CADM2: variants seen among roughly 807,000 people sequenced by gnomAD.
CADM2 encodes immunoglobulin superfamily member 4D.
A neutral mutation model predicts 49.8 loss-of-function variants in CADM2; 12 were observed. The ratio of observed to expected loss-of-function variants is 0.24; its 90% CI spans 0.15 to 0.39. The LOEUF (loss-of-function observed/expected upper bound fraction) is 0.39. Among genes scored for constraint, CADM2 ranks in the 10% least tolerant of loss-of-function variants. The probability of loss-of-function intolerance (pLI) is 1.00; values close to 1 mark genes in which losing one functional copy is unlikely to be tolerated. For synonymous variants in CADM2, 214 were observed against 175.4 expected, an observed-to-expected ratio of 1.22 and a Z score of -1.74; for missense variants, 378 against 492.3, an observed-to-expected ratio of 0.77 and a Z score of 2.20.
At chr3:85,360,891 A>G (rs1342904700) in intron 1 of CADM2, among the ~76,000 whole-genome samples, 2 of 152,148 alleles carry the variant, frequency 1.3e-5, no homozygotes, top group African/African-American at 2.4e-5. Context: ...TTCTGCAGCT[A>G]CAGGGAACCA....
intron 3 of CADM2, among the ~76,000 whole-genome samples, chr3:85,811,840 C>T (rs1239541907): frequency 2.0e-5 from 3 of 149,196 alleles, no homozygotes; most frequent in Non-Finnish European, 4.4e-5. Context: ...GACCAGTTTC[C>T]TGGAAAATGC....
intron 1 of CADM2, among the ~76,000 whole-genome samples, chr3:85,086,070 G>GCT: frequency 6.6e-6 from 1 of 152,078 alleles, no homozygotes; most frequent in African/African-American, 2.4e-5. Context: ...ACTTAAGAAG[G>GCT]CTCTGCTGTC....
At chr3:85,711,232 A>C (rs2107737432) in intron 1 of CADM2, among the ~76,000 whole-genome samples, 1 of 152,240 alleles carries the variant, frequency 6.6e-6, no homozygotes, top group African/African-American at 2.4e-5. Context: ...GTTATGAGAT[A>C]TGTTTTCAGG....
chr3:85,168,804 A>T (rs1394567154), intron 1 of CADM2, among the ~76,000 whole-genome samples: 1 of 152,068 alleles, frequency 6.6e-6, no homozygotes, highest in Non-Finnish European at 1.5e-5. Context: ...ATTTTATTGC[A>T]TTTCTTAGTG....
intron 1 of CADM2, among the ~76,000 whole-genome samples, chr3:85,461,131 T>G (rs2038227027): frequency 6.6e-6 from 1 of 152,158 alleles, no homozygotes; most frequent in South Asian, 2.1e-4. Context: ...ATTCATTTTT[T>G]ATTTTAATCA....
chr3:84,961,370 T>C (rs939807452), intron 1 of CADM2, among the ~76,000 whole-genome samples: 2 of 152,192 alleles, frequency 1.3e-5, no homozygotes, highest in African/African-American at 2.4e-5. Context: ...TTGGTGGTAC[T>C]TTTGTGTATT....
chr3:85,258,970 T>C (rs1054875337), intron 1 of CADM2, among the ~76,000 whole-genome samples: 2 of 151,980 alleles, frequency 1.3e-5, no homozygotes, highest in African/African-American at 4.8e-5. Flanking sequence ...ATTGATAGAG[T>C]GAAGATGTTG....
intron 1 of CADM2, among the ~76,000 whole-genome samples, chr3:85,303,877 C>T (rs1351974475): frequency 6.6e-6 from 1 of 151,852 alleles, no homozygotes; most frequent in Admixed American, 6.6e-5. Context: ...AACTAGGTAG[C>T]AATTAAAATC....
intron 3 of CADM2, among the ~76,000 whole-genome samples, chr3:85,821,951 A>G (rs1197757954): frequency 1.3e-5 from 2 of 152,160 alleles, no homozygotes; most frequent in African/African-American, 4.8e-5. Flanking sequence ...TTATGCTTAT[A>G]ATTTTTTGTT....
intron 8 of CADM2, among the ~76,000 whole-genome samples, chr3:86,051,913 C>T (rs922034579): frequency 2.6e-5 from 4 of 152,038 alleles, no homozygotes; most frequent in Admixed American, 2.6e-4. Context: ...CTGGGAATTA[C>T]AATTTGACAT....
intron 6 of CADM2, among the ~76,000 whole-genome samples, chr3:85,935,347 T>G (rs749583202): frequency 2.6e-5 from 4 of 152,070 alleles, no homozygotes; most frequent in Non-Finnish European, 4.4e-5. Flanking sequence ...GGGTTCCTTA[T>G]TGTGAGTCCC....
chr3:85,424,997 G>A (rs945867568), intron 1 of CADM2, among the ~76,000 whole-genome samples: 5 of 152,030 alleles, frequency 3.3e-5, no homozygotes, highest in African/African-American at 2.4e-5. Context: ...GGATAGCATT[G>A]CCAAAAGTGC....
At chr3:85,492,156 T>C (rs981775930) in intron 1 of CADM2, among the ~76,000 whole-genome samples, 1 of 152,212 alleles carries the variant, frequency 6.6e-6, no homozygotes, top group Non-Finnish European at 1.5e-5. Context: ...TGCTCCAACA[T>C]ACTATTTTAA....
intron 1 of CADM2, among the ~76,000 whole-genome samples, chr3:85,419,180 G>A (rs1449872173): frequency 6.6e-6 from 1 of 152,214 alleles, no homozygotes; most frequent in African/African-American, 2.4e-5. Context: ...TGAGGGCCGG[G>A]AGTGGTGGCT....
At chr3:86,013,464 A>G in intron 8 of CADM2, 1 of 1,596,396 alleles carries the variant, frequency 6.3e-7, no homozygotes, top group Non-Finnish European at 8.6e-7. Flanking sequence ...GGAGTGCCAG[A>G]TAAATTCTGG....
chr3:85,097,029 A>G (rs2107535118), intron 1 of CADM2, among the ~76,000 whole-genome samples: 1 of 152,220 alleles, frequency 6.6e-6, no homozygotes, highest in African/African-American at 2.4e-5. Flanking sequence ...TTTAAGTTTT[A>G]GGATACATGT....
At chr3:85,039,836 A>T (rs1164843210) in intron 1 of CADM2, among the ~76,000 whole-genome samples, 2 of 152,190 alleles carry the variant, frequency 1.3e-5, no homozygotes, top group Non-Finnish European at 2.9e-5. Flanking sequence ...TACTCCTCTT[A>T]ACTGCGTAGC....
intron 1 of CADM2, among the ~76,000 whole-genome samples, chr3:85,599,935 C>A (rs1036373916): frequency 1.3e-5 from 2 of 151,434 alleles, no homozygotes; most frequent in Non-Finnish European, 2.9e-5. Flanking sequence ...AGCCTTAAAA[C>A]ATTTTAGGAC....
intron 1 of CADM2, among the ~76,000 whole-genome samples, chr3:85,101,548 G>C (rs1015148299): frequency 1.3e-5 from 2 of 151,988 alleles, no homozygotes; most frequent in Non-Finnish European, 2.9e-5. Flanking sequence ...TTCACCTTAG[G>C]TGCATTATCC....
Sources: allele counts gnomAD v4.1 joint callset (sites outside exome capture counted in the v4.1 genomes callset), GRCh38; gene constraint gnomAD v4.1.1; transcripts MANE v1.5; gene names NCBI Gene and HGNC (gene_info 2026-07-23, HGNC 2026-07-21).